OSBPL2: variants seen among roughly 807,000 people sequenced by gnomAD.
OSBPL2 encodes the protein oxysterol-binding protein-related protein 2.
OSBPL2 carries 18 observed loss-of-function variants against 58.4 expected under a neutral mutation model. The ratio of observed to expected loss-of-function variants is 0.31; its 90% CI spans 0.21 to 0.46. The LOEUF is 0.46. OSBPL2 is among the 20% of genes least tolerant of loss of function. OSBPL2 has a pLI of 1.00. For missense variants in OSBPL2, 461 were observed against 616.5 expected, an observed-to-expected ratio of 0.75 and a Z score of 2.67; for synonymous variants, 221 against 234.1, an observed-to-expected ratio of 0.94 and a Z score of 0.51.
chr20:62,243,445 CCCGCAGCG>C (rs1979872476), intron 1 of OSBPL2, among the ~76,000 whole-genome samples: 1 of 101,920 alleles, frequency 9.8e-6, no homozygotes, highest in Non-Finnish European at 2.3e-5. Flanking sequence ...CAGCCCCTGC[CCCGCAGCG>C]CCTGCCCCGC....
At chr20:62,264,935 A>G (rs536622271) in intron 4 of OSBPL2, among the ~76,000 whole-genome samples, 1 of 152,308 alleles carries the variant, frequency 6.6e-6, no homozygotes, top group South Asian at 2.1e-4. Context: ...TGGCACACAC[A>G]GAAGTGAGGT....
At chr20:62,268,396 C>T (rs1011221525) in intron 4 of OSBPL2, among the ~76,000 whole-genome samples, 4 of 152,132 alleles carry the variant, frequency 2.6e-5, no homozygotes, top group African/African-American at 9.7e-5. Flanking sequence ...CTGTCCCTGT[C>T]CCCTCCTGGT....
chr20:62,272,336 GC>G, intron 5 of OSBPL2, 77 bp downstream of exon 5: 1 of 1,539,802 alleles, frequency 6.5e-7, no homozygotes, highest in Non-Finnish European at 8.8e-7. Flanking sequence ...CAGTCTTGGG[GC>G]CCCAGGCATC....
intron 1 of OSBPL2, among the ~76,000 whole-genome samples, chr20:62,252,341 TTCTG>T (rs1980614470): frequency 6.6e-6 from 1 of 152,078 alleles, no homozygotes; most frequent in African/African-American, 2.4e-5. Context: ...CCTTCTCTCT[TTCTG>T]TCTTTGTAAT....
intron 1 of OSBPL2, among the ~76,000 whole-genome samples, chr20:62,255,741 G>T (rs1292475332): frequency 1.3e-5 from 2 of 152,194 alleles, no homozygotes; most frequent in Non-Finnish European, 2.9e-5. Context: ...CTGGCTTCAA[G>T]TGATCCGCCC....
chr20:62,258,178 AG>A (rs1981058400), intron 2 of OSBPL2, among the ~76,000 whole-genome samples: 1 of 152,146 alleles, frequency 6.6e-6, no homozygotes, highest in South Asian at 2.1e-4. Flanking sequence ...CCCAAGGATG[AG>A]GTGGAAGGGA....
intron 4 of OSBPL2, among the ~76,000 whole-genome samples, chr20:62,268,272 A>C (rs1291965002): frequency 1.3e-5 from 2 of 149,030 alleles, no homozygotes; most frequent in Non-Finnish European, 2.9e-5. Flanking sequence ...ACATAGGTTC[A>C]TTTGTTTCAT....
At chr20:62,270,985 T>C (rs1174525135) in intron 4 of OSBPL2, among the ~76,000 whole-genome samples, 2 of 145,726 alleles carry the variant, frequency 1.4e-5, no homozygotes, top group Non-Finnish European at 3.0e-5. Flanking sequence ...CTGGGTCCTC[T>C]CCTTGTCCCT....
intron 4 of OSBPL2, among the ~76,000 whole-genome samples, chr20:62,265,208 G>C (rs937581929): frequency 6.6e-6 from 1 of 152,178 alleles, no homozygotes; most frequent in Non-Finnish European, 1.5e-5. Flanking sequence ...CTGTAAAGGA[G>C]AGCTGTCCCT....
At chr20:62,259,365 G>T (rs77408375) in intron 2 of OSBPL2, 1 of 152,484 alleles carries the variant, frequency 6.6e-6, no homozygotes, top group African/African-American at 2.4e-5. Flanking sequence ...CTCCAGGAGT[G>T]CATGCATGGC....
intron 1 of OSBPL2, among the ~76,000 whole-genome samples, chr20:62,240,706 A>G (rs765080157): frequency 4.6e-5 from 7 of 152,254 alleles, no homozygotes; most frequent in Non-Finnish European, 8.8e-5. Context: ...ACTCTGTGTC[A>G]GAATTTCGGG....
rs371372442 is a variant in OSBPL2, at chr20:62,259,970, G to A, written c.38-11G>A. ...GTCCAGCGAAAATGACCATTTTCTT[G>A]TCTCGCACAGGCTTTGATTCTGATA... On this transcript the variant is annotated splice_polypyrimidine_tract_variant and intron_variant, in intron 2 of 13. Transcript: ENST00000313733. 48 of 1,608,940 alleles carry A rather than the reference G, an allele frequency of 3.0e-5. No homozygotes were observed. In the African/African-American group the frequency reaches 6.3e-4, roughly 21 times the overall value.
At chr20:62,239,982 A>G (rs1979613966) in intron 1 of OSBPL2, among the ~76,000 whole-genome samples, 1 of 152,090 alleles carries the variant, frequency 6.6e-6, no homozygotes. Flanking sequence ...CCTCCCATCT[A>G]GCTGGGACCA....
chr20:62,269,700 T>A lies in OSBPL2; in HGVS notation c.259-2425T>A, dbSNP rs1368610784. ...GGTCTGGAATGTAAATTGCAAATGC[T>A]CCCCCATCTGTCTGCTTTTCTGCTC... On this transcript the variant is annotated intron_variant, in intron 4 of 13. Transcript: ENST00000313733. This position sits in a 1 kb window ranked among gnomAD's most constrained non-coding sequence, Gnocchi z 4.2. Among the ~76,000 whole-genome samples, 1 of 152,184 alleles carries A rather than the reference T, an allele frequency of 6.6e-6. No individual in the cohort carries two copies. The highest frequency in any genetic ancestry group is 1.9e-4 in the East Asian group (1 of 5,194).
chr20:62,283,933 C>A, intron 9 of OSBPL2, 113 bp from the exon 10 acceptor site: 1 of 1,079,586 alleles, frequency 9.3e-7, no homozygotes, highest in Non-Finnish European at 1.4e-6. Flanking sequence ...CAGAGATGTC[C>A]CAAGATGCAT....
chr20:62,286,717 T>C lies in OSBPL2; in HGVS notation c.1125+6T>C. Reference sequence around the variant, plus strand: ...GGCCCCCCAACTCTGCCCAGGTCTGTGTCCCTCCATGGCCTGACGTCTCTG... The same window carrying C: ...GGCCCCCCAACTCTGCCCAGGTCTGCGTCCCTCCATGGCCTGACGTCTCTG... On this transcript the variant is annotated splice_donor_region_variant and intron_variant, in intron 11 of 13. Transcript: ENST00000313733. The C allele has an allele frequency of 5.0e-6, 8 of 1,608,110 alleles. No homozygotes were observed. Among genetic ancestry groups the C allele is most frequent in the Non-Finnish European group, 6.8e-6 (8 of 1,176,050 alleles).
chr20:62,263,731 A>G, intron 4 of OSBPL2, 40 bp downstream of exon 4: 1 of 1,555,666 alleles, frequency 6.4e-7, no homozygotes, highest in Admixed American at 1.7e-5. Context: ...GGGCTGCACC[A>G]CTGACTCCTG....
At chr20:62,275,562 C>T (rs1272671212) in intron 6 of OSBPL2, among the ~76,000 whole-genome samples, 7 of 152,180 alleles carry the variant, frequency 4.6e-5, no homozygotes, top group Non-Finnish European at 1.5e-5. Flanking sequence ...ATCTTCCCAC[C>T]TCAGCCTCCC....
intron 1 of OSBPL2, among the ~76,000 whole-genome samples, chr20:62,251,036 G>GTT (rs1568827160): frequency 7.1e-6 from 1 of 139,876 alleles, no homozygotes; most frequent in Non-Finnish European, 1.5e-5. Context: ...CAGAGCAATA[G>GTT]ATTTTTTTTT....
Sources: gnomAD v4.1 joint callset for allele counts (sites outside exome capture counted in the v4.1 genomes callset) on GRCh38, gnomAD v4.1.1 for gene constraint, Gnocchi (gnomAD v3.1) non-coding constraint, MANE v1.5 for transcripts, NCBI Gene and HGNC (gene_info 2026-07-23, HGNC 2026-07-21) for gene names.